PI4KA: variants seen among roughly 807,000 people sequenced by gnomAD.
PI4KA encodes the protein PI4-kinase alpha.
A neutral mutation model predicts 271.4 loss-of-function variants in PI4KA; 122 were observed. The ratio of observed to expected loss-of-function variants is 0.45; its 90% CI spans 0.39 to 0.52. The LOEUF is 0.52. Among genes scored for constraint, PI4KA ranks in the 20% least tolerant of loss-of-function variants. The pLI, the probability that PI4KA is intolerant of heterozygous loss-of-function variation, is 0.00. For missense variants in PI4KA, 1,969 were observed against 2,769.1 expected (o/e 0.71, Z 6.48); for synonymous variants, 1,041 against 1,078.8 (o/e 0.96, Z 0.69).
intron 19 of PI4KA, among the ~76,000 whole-genome samples, chr22:20,769,292 C>A (rs562106939): frequency 7.1e-4 from 108 of 152,278 alleles, no homozygotes; most frequent in Middle Eastern, 3.4e-3. Context: ...TCTCCCTGCT[C>A]TCTGACTTCT....
At chr22:20,771,565 CTTTATTTATTTATTTATTTA>C (rs361642) in intron 19 of PI4KA, among the ~76,000 whole-genome samples, 1 of 147,230 alleles carries the variant, frequency 6.8e-6, no homozygotes, top group Non-Finnish European at 1.5e-5. Flanking sequence ...AATATGTTGG[CTTTATTTATTTATTTATTTA>C]TTTATTTATT....
chr22:20,767,928 C>A (rs1009449233), intron 19 of PI4KA, among the ~76,000 whole-genome samples: 6 of 141,652 alleles, frequency 4.2e-5, no homozygotes, highest in Non-Finnish European at 3.1e-5. Flanking sequence ...AGCCACCACA[C>A]CTGGCCTAAT....
rs181776403 is a variant in PI4KA at position 20,723,612 on chromosome 22, C to G, written c.4996-2194G>C. Among the ~76,000 whole-genome samples the G allele has an allele frequency of 5.6e-3, 852 of 151,774 alleles. 5 individuals are homozygous for G. Among genetic ancestry groups the G allele is most frequent in the African/African-American group, 0.019 (790 of 41,508 alleles). The stretch of plus-strand genomic sequence containing the variant: ...TTGGGAGGCCAAGGCAGGTGGATCA[C>G]CTGAGGTTAGGAGTTCGAGACCAGC... On this transcript the variant is annotated intron_variant, in intron 42 of 54. Transcript: ENST00000255882.
chr22:20,750,403 G>A (rs189827016), intron 27 of PI4KA, among the ~76,000 whole-genome samples: 1 of 152,266 alleles, frequency 6.6e-6, no homozygotes, highest in East Asian at 1.9e-4. Context: ...AGAACTGTAA[G>A]ACAATCAATG....
chr22:20,733,974 A>G (rs1280699536), intron 34 of PI4KA, 69 bp downstream of exon 34: 20 of 1,524,080 alleles, frequency 1.3e-5, no homozygotes, highest in Non-Finnish European at 1.6e-5. Context: ...AAGTACCGTG[A>G]TACACAGACG....
chr22:20,778,530 TACA>T (rs762656623), intron 19 of PI4KA, among the ~76,000 whole-genome samples: 72 of 151,892 alleles, frequency 4.7e-4, no homozygotes, highest in Non-Finnish European at 9.1e-4. Flanking sequence ...AAAAGCCAAT[TACA>T]ACAACAACAA....
At chr22:20,816,675 A>C (rs1011000492) in intron 7 of PI4KA, among the ~76,000 whole-genome samples, 1 of 152,234 alleles carries the variant, frequency 6.6e-6, no homozygotes, top group South Asian at 2.1e-4. Context: ...TTTGAGAGGA[A>C]ACTCAGAAGG....
intron 35 of PI4KA, 40 bp from the exon 36 acceptor site, chr22:20,733,138 A>G: frequency 6.2e-7 from 1 of 1,610,960 alleles, no homozygotes; most frequent in Non-Finnish European, 8.5e-7. Context: ...GAGTGTCTGG[A>G]GTCAGGGACT....
chr22:20,781,784 T>C (rs1190993707), intron 19 of PI4KA, among the ~76,000 whole-genome samples: 2 of 152,354 alleles, frequency 1.3e-5, no homozygotes, highest in East Asian at 1.9e-4. Flanking sequence ...AGTTTTGGAA[T>C]TGAGCAAACA....
rs555323280 is a variant in PI4KA, at chr22:20,789,792, TA to T, written c.2328+3400del. Among the ~76,000 whole-genome samples, 433 of 152,200 alleles carry T rather than the reference TA, an allele frequency of 2.8e-3. 1 individual carries two copies. Among genetic ancestry groups the T allele is most frequent in the African/African-American group, 9.3e-3 (385 of 41,530 alleles). ...GAGGTTACATGCAAAATCTTGAGAGTAATAAGGATTTCCATGGACAGAGAGT... is the reference window on the plus strand; with the variant it reads ...GAGGTTACATGCAAAATCTTGAGAGTATAAGGATTTCCATGGACAGAGAGT... On this transcript the variant is annotated intron_variant, in intron 19 of 54. Transcript: ENST00000255882.
At chr22:20,785,215 G>A (rs961499787) in intron 19 of PI4KA, among the ~76,000 whole-genome samples, 3 of 151,964 alleles carry the variant, frequency 2.0e-5, no homozygotes, top group African/African-American at 7.3e-5. Context: ...GACTACAGGC[G>A]TGCACCTTCA....
At chr22:20,857,175 C>T (rs1454450044) in intron 1 of PI4KA, among the ~76,000 whole-genome samples, 1 of 152,154 alleles carries the variant, frequency 6.6e-6, no homozygotes, top group African/African-American at 2.4e-5. Flanking sequence ...CAGAAGATAG[C>T]AAAGTATCAG....
At chr22:20,739,081 C>T (rs1381486636) in intron 32 of PI4KA, among the ~76,000 whole-genome samples, 3 of 149,406 alleles carry the variant, frequency 2.0e-5, no homozygotes, top group Admixed American at 6.7e-5. Flanking sequence ...CGCAGTGGCT[C>T]ACGCCTAAAA....
chr22:20,758,694 T>C (rs915749982), intron 23 of PI4KA, among the ~76,000 whole-genome samples: 4 of 152,138 alleles, frequency 2.6e-5, no homozygotes, highest in African/African-American at 9.7e-5. Context: ...ATCTCTCTTA[T>C]AGCCCCAACT....
In PI4KA at chr22:20,764,810, C is replaced by T. The variant is rs766104795; in HGVS notation, c.2708+7G>A. The T allele has an allele frequency of 1.9e-6, 3 of 1,608,014 alleles. No homozygotes were observed. The highest frequency in any genetic ancestry group is 2.2e-5 in the East Asian group (1 of 44,732). On this transcript the variant is annotated splice_region_variant and intron_variant, in intron 22 of 54. Transcript: ENST00000255882. ...GTGCATGTGCATGGTGGTGAAGGCA[C>T]GTGTACCTCATGTACTCCAGCCGGT... is the stretch of plus-strand genomic sequence containing the variant.
intron 8 of PI4KA, among the ~76,000 whole-genome samples, chr22:20,811,643 T>C (rs1015596673): frequency 2.0e-5 from 3 of 146,764 alleles, no homozygotes; most frequent in Non-Finnish European, 4.5e-5. Context: ...TCCACAATTG[T>C]AGTATTTGAT....
intron 11 of PI4KA, among the ~76,000 whole-genome samples, chr22:20,804,647 C>G (rs553165690): frequency 1.3e-5 from 2 of 152,200 alleles, no homozygotes; most frequent in Admixed American, 1.3e-4. Flanking sequence ...CCCAGAAAAA[C>G]ACTTCACCTG....
rs779656809 is a variant in PI4KA at position 20,752,912 on chromosome 22, AG to A, written c.2977del (p.Leu993TrpfsTer15). On this transcript the variant is annotated frameshift_variant, in exon 25 of 55. Transcript: ENST00000255882. LOFTEE classifies it high-confidence loss of function. ...RRVADKYLSG[L>X]VDKFPHLLWS... ...AGGAAAATGAGCTTACTTATCCACCAGACCAGATAGATACTTGTCTGCCACC... is the reference window on the plus strand; with the variant it reads ...AGGAAAATGAGCTTACTTATCCACCAACCAGATAGATACTTGTCTGCCACC... The A allele has an allele frequency of 4.3e-6, 7 of 1,614,146 alleles. No homozygotes were observed. The Admixed American group carries it at 8.3e-5, about 19-fold the overall frequency.
chr22:20,737,046 A>C (rs540755349), intron 32 of PI4KA, among the ~76,000 whole-genome samples: 104 of 152,302 alleles, frequency 6.8e-4, no homozygotes, highest in Middle Eastern at 3.4e-3. Context: ...TGGACCCATT[A>C]GTTGGGGCTG....
Sources: gnomAD v4.1 joint callset for allele counts (sites outside exome capture counted in the v4.1 genomes callset) on GRCh38, gnomAD v4.1.1 for gene constraint, MANE v1.5 for transcripts, NCBI Gene and HGNC (gene_info 2026-07-23, HGNC 2026-07-21) for gene names.